ZNF407: variants seen among roughly 807,000 people sequenced by gnomAD.
ZNF407 encodes the protein zinc finger protein 407.
ZNF407 carries 17 observed loss-of-function variants against 131.2 expected under a neutral mutation model. That is an observed-to-expected ratio of 0.13 (90% CI 0.09 to 0.19). The LOEUF (loss-of-function observed/expected upper bound fraction) is 0.19, where lower values mean the gene tolerates loss of function less well. Among genes scored for constraint, ZNF407 ranks in the 10% least tolerant of loss-of-function variants. The probability of loss-of-function intolerance (pLI) is 1.00; values close to 1 mark genes in which losing one functional copy is unlikely to be tolerated. For missense variants in ZNF407, 2,681 were observed against 2,830.6 expected (o/e 0.95, Z 1.20); for synonymous variants, 1,156 against 1,062.0 (o/e 1.09, Z -1.72).
chr18:74,814,575 A>AT (rs76336533), intron 4 of ZNF407, among the ~76,000 whole-genome samples: 13,032 of 152,276 alleles, frequency 0.086, 689 homozygotes, highest in South Asian at 0.17. Context: ...AATCAGTATG[A>AT]TTTTATCCTC....
chr18:74,978,601 A>G (rs944301163), intron 8 of ZNF407, among the ~76,000 whole-genome samples: 1 of 151,858 alleles, frequency 6.6e-6, no homozygotes, highest in South Asian at 2.1e-4. Context: ...TAATGATTGG[A>G]TGATGAGGCT....
intron 2 of ZNF407, among the ~76,000 whole-genome samples, chr18:74,640,037 A>G (rs1451873573): frequency 6.6e-6 from 1 of 152,180 alleles, no homozygotes; most frequent in Non-Finnish European, 1.5e-5. Flanking sequence ...TAAGTACTGA[A>G]TATGATATGA....
intron 3 of ZNF407, among the ~76,000 whole-genome samples, chr18:74,657,441 G>T (rs1487446243): frequency 6.6e-6 from 1 of 152,014 alleles, no homozygotes; most frequent in Non-Finnish European, 1.5e-5. Context: ...TTATTGTGTA[G>T]GGAAAAAAAG....
intron 8 of ZNF407, among the ~76,000 whole-genome samples, chr18:74,935,548 C>T (rs8098303): frequency 6.6e-6 from 1 of 152,102 alleles, no homozygotes; most frequent in Non-Finnish European, 1.5e-5. Context: ...CTTGGAAGTG[C>T]TCTTGCCATT....
At chr18:74,976,807 A>G (rs1206720657) in intron 8 of ZNF407, among the ~76,000 whole-genome samples, 1 of 152,230 alleles carries the variant, frequency 6.6e-6, no homozygotes, top group Non-Finnish European at 1.5e-5. Flanking sequence ...GCATTCTGTC[A>G]CATGTTCGTG....
At chr18:75,038,966 C>T (rs1311322038) in intron 8 of ZNF407, among the ~76,000 whole-genome samples, 2 of 152,218 alleles carry the variant, frequency 1.3e-5, no homozygotes, top group Non-Finnish European at 2.9e-5. Flanking sequence ...TGATCAGAAA[C>T]TGTTCCTAAT....
intron 8 of ZNF407, among the ~76,000 whole-genome samples, chr18:75,041,563 A>G (rs1054245197): frequency 1.3e-5 from 2 of 151,738 alleles, no homozygotes; most frequent in African/African-American, 4.8e-5. Context: ...CCTAGTGGAA[A>G]AGTATTGTAG....
chr18:74,789,802 C>A (rs1969791100), intron 4 of ZNF407, among the ~76,000 whole-genome samples: 1 of 151,786 alleles, frequency 6.6e-6, no homozygotes, highest in African/African-American at 2.4e-5. Context: ...CTGCAAATAA[C>A]CTTTTTAATC....
intron 8 of ZNF407, among the ~76,000 whole-genome samples, chr18:74,985,572 C>T (rs1226175985): frequency 1.3e-5 from 2 of 152,080 alleles, no homozygotes; most frequent in African/African-American, 2.4e-5. Context: ...AACTAATAAC[C>T]GATGTTAAAA....
At chr18:75,015,504 T>G (rs1599294857) in intron 8 of ZNF407, among the ~76,000 whole-genome samples, 1 of 148,124 alleles carries the variant, frequency 6.8e-6, no homozygotes, top group Non-Finnish European at 1.5e-5. Context: ...ATGGAGAATA[T>G]ATATATATAA....
intron 8 of ZNF407, among the ~76,000 whole-genome samples, chr18:75,012,301 T>TA (rs1568300448): frequency 3.5e-4 from 39 of 112,320 alleles, no homozygotes; most frequent in Middle Eastern, 5.9e-3. Flanking sequence ...ACATAGTGTA[T>TA]GTACACATAG....
intron 4 of ZNF407, among the ~76,000 whole-genome samples, chr18:74,826,817 A>T (rs1316153979): frequency 6.6e-6 from 1 of 152,230 alleles, no homozygotes; most frequent in Non-Finnish European, 1.5e-5. Flanking sequence ...GTCATCTTCT[A>T]GAGCAATTCC....
At position 74,632,905 on chromosome 18, in the gene ZNF407, A is replaced by T. The variant is rs1599027673; in HGVS notation, c.1886A>T (p.Asp629Val). 1 of 1,612,352 alleles carries T rather than the reference A, an allele frequency of 6.2e-7. No individual in the cohort carries two copies. The highest frequency in any genetic ancestry group is 8.5e-7 in the Non-Finnish European group (1 of 1,179,434). Reference protein sequence around the residue: ...PCNLFFLSEKDVEEHKATEKH... With the variant: ...PCNLFFLSEKVVEEHKATEKH... ...AATCTGTTCTTTTTGTCTGAAAAAG[A>T]TGTGGAAGAACACAAAGCCACCGAG... The change falls in exon 2 of 9, where the codon GAT becomes GTT. Residue 629 changes from aspartate to valine, a missense_variant. Asp to Val is a radical substitution (Grantham distance 152). Transcript: ENST00000299687.
At position 74,634,699 on chromosome 18, in the gene ZNF407, G is replaced by A. The variant is rs752581906; in HGVS notation, c.3680G>A (p.Arg1227His). 64 of 1,614,062 alleles carry A rather than the reference G, an allele frequency of 4.0e-5. No individual in the cohort carries two copies. Among genetic ancestry groups the A allele is most frequent in the Non-Finnish European group, 4.6e-5 (54 of 1,179,902 alleles). Reference protein sequence around the residue: ...HEISNDAGELRVHCEGEGGNA... With the variant: ...HEISNDAGELHVHCEGEGGNA... Reference sequence around the variant, plus strand: ...ATATCGAATGATGCAGGTGAGCTGCGTGTCCATTGTGAGGGTGAAGGAGGA... The same window carrying A: ...ATATCGAATGATGCAGGTGAGCTGCATGTCCATTGTGAGGGTGAAGGAGGA... Residue 1227 changes from arginine to histidine, a missense_variant, in exon 2 of 9, where the codon CGT becomes CAT. By Grantham distance (29) the Arg-to-His change is conservative (BLOSUM62 0). This residue lies in a region of ZNF407 where 1,789 missense variants were observed against 1,748.7 expected (regional missense o/e 1.02). Transcript: ENST00000299687.
At chr18:74,695,343 C>A (rs1188558253) in intron 3 of ZNF407, among the ~76,000 whole-genome samples, 3 of 152,160 alleles carry the variant, frequency 2.0e-5, no homozygotes, top group African/African-American at 7.2e-5. Flanking sequence ...CTGCTTCGTT[C>A]TTCTCGTAGT....
In ZNF407 at chr18:75,064,627, C is replaced by A; in HGVS notation, c.*159C>A. 1.5e-6 allele frequency: 1 copy of A among 661,998 alleles called. No homozygotes were observed. 41.0% of individuals were successfully genotyped at this position (661,998 alleles called of 1,614,324 possible). A position where few individuals can be genotyped will look rare whatever the true frequency, so the allele number is the denominator to read the frequency against. ...CTCCCAGCGAGAGTCACACTGGCCA[C>A]CAGCCAGGCGCCCACAGAGGGTACC... is the stretch of plus-strand genomic sequence containing the variant. On this transcript the variant is annotated 3_prime_UTR_variant, in exon 9 of 9. Coordinates refer to ENST00000299687, the MANE Select transcript of ZNF407 (RefSeq NM_017757.3).
intron 3 of ZNF407, among the ~76,000 whole-genome samples, chr18:74,656,935 G>A (rs967721953): frequency 6.6e-6 from 1 of 152,028 alleles, no homozygotes; most frequent in Non-Finnish European, 1.5e-5. Context: ...ATCCTGTATT[G>A]CTTATTACTG....
At chr18:74,619,320 T>C (rs36139223) in intron 1 of ZNF407, among the ~76,000 whole-genome samples, 127,328 of 152,212 alleles carry the variant, frequency 0.84, 53,525 homozygotes, top group Middle Eastern at 0.9. Flanking sequence ...ATTGGTCCAG[T>C]TGGAATGAAA....
At chr18:74,920,469 T>G (rs1971832286) in intron 7 of ZNF407, 45 bp from the exon 8 acceptor site, 1 of 1,473,578 alleles carries the variant, frequency 6.8e-7, no homozygotes, top group Non-Finnish European at 9.2e-7. Flanking sequence ...GATAAGGTTA[T>G]TGGTTTGACC....
Sources: allele counts gnomAD v4.1 joint callset (sites outside exome capture counted in the v4.1 genomes callset), GRCh38; gene constraint gnomAD v4.1.1; regional missense constraint gnomAD v4.1.1; transcripts MANE v1.5; gene names NCBI Gene and HGNC (gene_info 2026-07-23, HGNC 2026-07-21).